DAB1: variants seen among roughly 807,000 people sequenced by gnomAD.
DAB1 encodes the protein disabled homolog 1.
Under a neutral mutation model 64.6 loss-of-function variants are expected in DAB1, and 15 were observed. The observed-to-expected ratio is 0.23, with a 90% CI of 0.16 to 0.36. The LOEUF (loss-of-function observed/expected upper bound fraction) is 0.36, where lower values mean the gene tolerates loss of function less well. Ranked by LOEUF, DAB1 falls within the 10% of genes least tolerant of loss-of-function variation. The pLI is 1.00. For missense variants in DAB1, 596 were observed against 706.7 expected (o/e 0.84, Z 1.78); for synonymous variants, 235 against 251.9 (o/e 0.93, Z 0.64).
intron 1 of DAB1, chr1:58,527,461 A>G: frequency 1.7e-6 from 1 of 605,832 alleles, no homozygotes; most frequent in Non-Finnish European, 3.0e-6. Flanking sequence ...ACTGTCTACT[A>G]ACATTAAAAT....
intron 3 of DAB1, among the ~76,000 whole-genome samples, chr1:58,419,450 A>G (rs527750765): frequency 1.5e-4 from 23 of 152,294 alleles, no homozygotes; most frequent in Non-Finnish European, 2.5e-4. Context: ...TTGTTTTCCT[A>G]TTACCTCTTA....
In DAB1 at chr1:57,645,210, G is replaced by C. The variant is rs74419851; in HGVS notation, n.625+4382C>G. 2.6e-4 allele frequency among the ~76,000 whole-genome samples: 40 copies of C among 152,248 alleles called. No homozygotes were observed. The East Asian group carries it at 6.2e-3, about 24-fold the overall frequency. On this transcript the variant is annotated intron_variant and non_coding_transcript_variant, in intron 7 of 20. Transcript: ENST00000485760. The stretch of plus-strand genomic sequence containing the variant: ...AAACATGCCAAGAAACCAGATTCTC[G>C]GTAATGTAATTCAATCTAGTCACGT...
intron 7 of DAB1, among the ~76,000 whole-genome samples, chr1:57,483,753 C>A (rs374147955): frequency 2.0e-5 from 3 of 152,072 alleles, no homozygotes; most frequent in East Asian, 3.9e-4. Flanking sequence ...GACTCCACTT[C>A]CAGGGAATGA....
chr1:57,433,943 A>G (rs1685602428), intron 7 of DAB1, among the ~76,000 whole-genome samples: 1 of 152,100 alleles, frequency 6.6e-6, no homozygotes, highest in South Asian at 2.1e-4. Context: ...AACTGTAATA[A>G]GACACCACTT....
intron 6 of DAB1, among the ~76,000 whole-genome samples, chr1:57,807,617 T>A (rs1651422781): frequency 6.6e-6 from 1 of 152,214 alleles, no homozygotes; most frequent in African/African-American, 2.4e-5. Flanking sequence ...TACAAATGCA[T>A]AATTGACCTT....
intron 1 of DAB1, among the ~76,000 whole-genome samples, chr1:57,872,442 T>G (rs1404544970): frequency 6.6e-6 from 1 of 152,194 alleles, no homozygotes; most frequent in Non-Finnish European, 1.5e-5. Context: ...GAAGCCTTGA[T>G]CTTGGAATTC....
intron 6 of DAB1, among the ~76,000 whole-genome samples, chr1:57,747,666 G>A (rs139430521): frequency 5.9e-5 from 9 of 151,864 alleles, no homozygotes; most frequent in South Asian, 2.1e-4. Flanking sequence ...AAAATTAGCC[G>A]GGATTGGTGG....
At chr1:57,111,577 G>T (rs967156091) in intron 4 of DAB1, among the ~76,000 whole-genome samples, 1 of 152,066 alleles carries the variant, frequency 6.6e-6, no homozygotes, top group Non-Finnish European at 1.5e-5. Context: ...TCAACTCTCA[G>T]CTTAAGTGTC....
At chr1:57,669,077 C>T (rs1185720157) in intron 6 of DAB1, among the ~76,000 whole-genome samples, 1 of 152,080 alleles carries the variant, frequency 6.6e-6, no homozygotes, top group East Asian at 1.9e-4. Context: ...GTTCCTTACA[C>T]CCGATCCTGG....
At chr1:57,570,464 T>G (rs886544926) in intron 7 of DAB1, among the ~76,000 whole-genome samples, 4 of 152,072 alleles carry the variant, frequency 2.6e-5, no homozygotes, top group Admixed American at 6.6e-5. Context: ...TTTGCTTGCT[T>G]TGTTGAAGAT....
chr1:57,539,196 C>A (rs1157830324), intron 7 of DAB1, among the ~76,000 whole-genome samples: 1 of 152,130 alleles, frequency 6.6e-6, no homozygotes, highest in East Asian at 1.9e-4. Flanking sequence ...TGATTGTCTT[C>A]AAAAAATATT....
intron 6 of DAB1, among the ~76,000 whole-genome samples, chr1:57,680,103 T>A (rs1570731683): frequency 6.6e-6 from 1 of 152,228 alleles, no homozygotes; most frequent in Non-Finnish European, 1.5e-5. Flanking sequence ...CTTACAGTTT[T>A]TCATTTTCTG....
chr1:57,136,498 G>A (rs1294695743), intron 4 of DAB1, 45 bp downstream of exon 4: 2 of 1,184,180 alleles, frequency 1.7e-6, no homozygotes, highest in East Asian at 2.5e-5. Context: ...GGGTACATCT[G>A]TCAATGGATA....
intron 2 of DAB1, among the ~76,000 whole-genome samples, chr1:57,275,838 A>G (rs1372630189): frequency 5.3e-5 from 8 of 152,222 alleles, no homozygotes; most frequent in African/African-American, 9.6e-5. Flanking sequence ...CAAAACACAG[A>G]AGATAAACAC....
chr1:57,760,834 A>G (rs552518876), intron 6 of DAB1, among the ~76,000 whole-genome samples: 9 of 152,272 alleles, frequency 5.9e-5, no homozygotes, highest in South Asian at 2.1e-4. Flanking sequence ...AGCAAGCCCA[A>G]TTCTGCAAAC....
At chr1:57,893,285 C>T (rs1282275288) in intron 5 of DAB1, among the ~76,000 whole-genome samples, 1 of 152,128 alleles carries the variant, frequency 6.6e-6, no homozygotes. Flanking sequence ...ATATCACAGT[C>T]ATTTACTAAC....
At chr1:58,241,681 T>C (rs7556433) in intron 4 of DAB1, among the ~76,000 whole-genome samples, 2,461 of 152,168 alleles carry the variant, frequency 0.016, 70 homozygotes, top group African/African-American at 0.057. Flanking sequence ...TCTGTCCACT[T>C]AAAAGCAAAT....
At chr1:58,118,503 TAC>T (rs34017384) in intron 5 of DAB1, among the ~76,000 whole-genome samples, 2,663 of 52,730 alleles carry the variant, frequency 0.051, 84 homozygotes, top group Non-Finnish European at 0.063. Context: ...TATATATATA[TAC>T]ACACACACAC....
chr1:58,132,487 G>A (rs912741031), intron 5 of DAB1, among the ~76,000 whole-genome samples: 2 of 151,960 alleles, frequency 1.3e-5, no homozygotes, highest in Non-Finnish European at 2.9e-5. Context: ...TCCTCCCCCC[G>A]GGGCCAATCT....
Sources: gnomAD v4.1 joint callset for allele counts (sites outside exome capture counted in the v4.1 genomes callset) on GRCh38, gnomAD v4.1.1 for gene constraint, MANE v1.5 for transcripts, NCBI Gene and HGNC (gene_info 2026-07-23, HGNC 2026-07-21) for gene names.